The following EYA4 variants were observed in gnomAD, a reference collection of about 807,000 sequenced individuals.
The protein encoded by EYA4 is protein phosphatase EYA4.
EYA4 carries 31 observed loss-of-function variants against 87.9 expected under a neutral mutation model. That is an observed-to-expected ratio of 0.35 (90% CI 0.27 to 0.48). The LOEUF is 0.48. EYA4 is among the 20% of genes least tolerant of loss of function. EYA4 has a pLI of 0.99. For synonymous variants in EYA4, 263 were observed against 270.6 expected (o/e 0.97, Z 0.28); for missense variants, 678 against 761.4 (o/e 0.89, Z 1.29).
intron 3 of EYA4, among the ~76,000 whole-genome samples, chr6:133,394,294 T>A (rs1032926266): frequency 4.2e-4 from 13 of 30,752 alleles, no homozygotes; most frequent in Non-Finnish European, 6.7e-4. Context: ...GTTTTTTTTT[T>A]TTTTTTTTTT....
chr6:133,293,920 C>A lies in EYA4; in HGVS notation c.33+19107C>A, dbSNP rs554679553. ...TGAGTTGTGATCAAGCCACTGCACTCCATCCTCGGAGACAGGAATGTTTTA... is the reference window on the plus strand; with the variant it reads ...TGAGTTGTGATCAAGCCACTGCACTACATCCTCGGAGACAGGAATGTTTTA... On this transcript the variant is annotated intron_variant, in intron 2 of 19. Transcript: ENST00000355286. Among the ~76,000 whole-genome samples, 5 of 149,754 alleles carry A rather than the reference C, an allele frequency of 3.3e-5. No individual in the cohort carries two copies. In the South Asian group the frequency reaches 8.6e-4, roughly 26 times the overall value.
chr6:133,411,456 C>A (rs1322395961), intron 3 of EYA4, among the ~76,000 whole-genome samples: 6 of 152,118 alleles, frequency 3.9e-5, no homozygotes, highest in Non-Finnish European at 8.8e-5. Context: ...TCAGAAAATA[C>A]TCAATTTATT....
In EYA4 at chr6:133,300,938, G is replaced by T. The variant is rs141492146; in HGVS notation, c.33+26125G>T. Among the ~76,000 whole-genome samples the T allele has an allele frequency of 9.0e-3, 1,364 of 152,268 alleles. 19 individuals are homozygous for T. Among genetic ancestry groups the T allele is most frequent in the Non-Finnish European group, 0.012 (784 of 68,020 alleles). On this transcript the variant is annotated intron_variant, in intron 2 of 19. Coordinates refer to ENST00000355286, the MANE Select transcript of EYA4 (RefSeq NM_004100.5). ...TTCCCTACTGTATTCTATGTGTCCAGTTATTTTCCCAGTCCTTATGAAATT... is the reference window on the plus strand; with the variant it reads ...TTCCCTACTGTATTCTATGTGTCCATTTATTTTCCCAGTCCTTATGAAATT...
At chr6:133,420,943 C>T (rs1156611865) in intron 3 of EYA4, among the ~76,000 whole-genome samples, 1 of 152,220 alleles carries the variant, frequency 6.6e-6, no homozygotes, top group Non-Finnish European at 1.5e-5. Flanking sequence ...TACTGTTTAA[C>T]AGCCTTTTAT....
intron 1 of EYA4, among the ~76,000 whole-genome samples, chr6:133,257,292 C>T (rs1332059604): frequency 1.3e-5 from 2 of 152,170 alleles, no homozygotes; most frequent in East Asian, 1.9e-4. Flanking sequence ...ACATTCCTGA[C>T]TTTACCATAT....
intron 1 of EYA4, among the ~76,000 whole-genome samples, chr6:133,254,264 G>A (rs1160618231): frequency 2.0e-5 from 3 of 152,066 alleles, no homozygotes; most frequent in African/African-American, 4.8e-5. Context: ...TGCTAAGATC[G>A]ATTTCATGTT....
chr6:133,273,097 GTATA>G (rs3065331), intron 1 of EYA4, among the ~76,000 whole-genome samples: 5,851 of 106,624 alleles, frequency 0.055, 552 homozygotes, highest in African/African-American at 0.17. Context: ...ATATATATAT[GTATA>G]TATATATATA....
intron 1 of EYA4, among the ~76,000 whole-genome samples, chr6:133,251,932 T>C (rs751877571): frequency 1.1e-4 from 17 of 152,226 alleles, no homozygotes; most frequent in Non-Finnish European, 2.4e-4. Flanking sequence ...CAAACAATTC[T>C]CATTAGTCTG....
chr6:133,389,244 G>A (rs1787046424), intron 3 of EYA4, among the ~76,000 whole-genome samples: 2 of 152,118 alleles, frequency 1.3e-5, no homozygotes, highest in Admixed American at 1.3e-4. Flanking sequence ...GATTGCTAGG[G>A]ACAGACCTTT....
intron 2 of EYA4, among the ~76,000 whole-genome samples, chr6:133,361,690 T>C (rs1784464107): frequency 6.6e-6 from 1 of 152,136 alleles, no homozygotes; most frequent in African/African-American, 2.4e-5. Context: ...ATTGATGAGA[T>C]TTGAGAGGAA....
Position 133,304,943 on chromosome 6 carries a change from G to A in EYA4, c.33+30130G>A, listed in dbSNP as rs1030979286. Among the ~76,000 whole-genome samples the A allele has an allele frequency of 2.6e-5, 4 of 152,290 alleles. No individual in the cohort carries two copies. In the South Asian group the frequency reaches 8.3e-4, roughly 32 times the overall value. On this transcript the variant is annotated intron_variant, in intron 2 of 19. Transcript: ENST00000355286. ...AAATATACAGTCTGTTAAATGGTGG[G>A]TGGAGGATAAAGAATCTGGGACTAG...
intron 3 of EYA4, among the ~76,000 whole-genome samples, chr6:133,396,336 A>G (rs1013827180): frequency 6.6e-6 from 1 of 152,140 alleles, no homozygotes; most frequent in Admixed American, 6.5e-5. Flanking sequence ...CTTATTTTCT[A>G]TTATTCTTCA....
At chr6:133,333,770 T>C (rs1308652300) in intron 2 of EYA4, among the ~76,000 whole-genome samples, 1 of 152,084 alleles carries the variant, frequency 6.6e-6, no homozygotes, top group Non-Finnish European at 1.5e-5. Flanking sequence ...GTGATGAATG[T>C]ATAGAAAAGG....
chr6:133,519,073 C>A (rs1045693827), intron 17 of EYA4, among the ~76,000 whole-genome samples: 18 of 151,492 alleles, frequency 1.2e-4, no homozygotes, highest in Non-Finnish European at 1.8e-4. Context: ...ACCCTAACAT[C>A]GCAATTAAAA....
chr6:133,404,214 C>A (rs1477279897), intron 3 of EYA4, among the ~76,000 whole-genome samples: 1 of 152,090 alleles, frequency 6.6e-6, no homozygotes, highest in East Asian at 1.9e-4. Flanking sequence ...TGAGTGTTGC[C>A]AATAAGAGAG....
intron 12 of EYA4, 52 bp downstream of exon 12, chr6:133,481,651 T>A (rs1423893911): frequency 6.3e-7 from 1 of 1,574,888 alleles, no homozygotes; most frequent in Admixed American, 1.7e-5. Flanking sequence ...TTTTACCGAA[T>A]GATACATTCT....
Position 133,529,325 on chromosome 6 carries a change from T to C in EYA4, c.*520T>C, listed in dbSNP as rs942590456. 120 of 993,548 alleles carry C rather than the reference T, an allele frequency of 1.2e-4. No individual in the cohort carries two copies. Among genetic ancestry groups the C allele is most frequent in the Non-Finnish European group, 1.4e-4 (115 of 833,840 alleles). The allele number at this position is 993,548 out of a possible 1,614,324, so 61.5% of individuals were successfully genotyped here. Reference sequence around the variant, plus strand: ...ATGAAAATAATTTACTGTGACTTTATTAGCAGCTGACTTTCAAAGTGGATG... The same window carrying C: ...ATGAAAATAATTTACTGTGACTTTACTAGCAGCTGACTTTCAAAGTGGATG... On this transcript the variant is annotated 3_prime_UTR_variant, in exon 20 of 20. Transcript: ENST00000355286.
chr6:133,313,288 T>C (rs931089840), intron 2 of EYA4, among the ~76,000 whole-genome samples: 11 of 152,330 alleles, frequency 7.2e-5, no homozygotes, highest in Non-Finnish European at 2.9e-5. Context: ...CAAGCATGCC[T>C]CCTTCCTGAG....
intron 3 of EYA4, among the ~76,000 whole-genome samples, chr6:133,441,483 A>C (rs1295082869): frequency 2.0e-5 from 3 of 152,218 alleles, no homozygotes; most frequent in Non-Finnish European, 4.4e-5. Context: ...GTGCGCACTT[A>C]CAGATAGAGC....
Sources: gnomAD v4.1 joint callset for allele counts (sites outside exome capture counted in the v4.1 genomes callset) on GRCh38, gnomAD v4.1.1 for gene constraint, MANE v1.5 for transcripts, NCBI Gene and HGNC (gene_info 2026-07-23, HGNC 2026-07-21) for gene names.